CACNA1A: variants seen among roughly 807,000 people sequenced by gnomAD.
CACNA1A encodes calcium voltage-gated channel subunit alpha1 A.
Under a neutral mutation model 262.4 loss-of-function variants are expected in CACNA1A, and 57 were observed. The ratio of observed to expected loss-of-function variants is 0.22; its 90% CI spans 0.18 to 0.27. The LOEUF is 0.27. Ranked by LOEUF, CACNA1A falls within the 10% of genes least tolerant of loss-of-function variation. The pLI is 1.00. For synonymous variants in CACNA1A, 1,431 were observed against 1,419.3 expected, an observed-to-expected ratio of 1.01 and a Z score of -0.18; for missense variants, 2,526 against 3,562.8, an observed-to-expected ratio of 0.71 and a Z score of 7.41.
chr19:13,481,027 T>C (rs528048412), intron 1 of CACNA1A, among the ~76,000 whole-genome samples: 3 of 152,274 alleles, frequency 2.0e-5, no homozygotes, highest in South Asian at 2.1e-4. Flanking sequence ...CCTCAGATAG[T>C]GAGTCTCTCT....
chr19:13,440,915 C>A (rs537880211), intron 3 of CACNA1A, among the ~76,000 whole-genome samples: 3 of 152,322 alleles, frequency 2.0e-5, no homozygotes, highest in East Asian at 3.9e-4. Flanking sequence ...AAGTGATTCT[C>A]CCACCTCAGC....
chr19:13,464,352 T>C lies in CACNA1A; in HGVS notation c.294-9140A>G, dbSNP rs118118359. 5.5e-4 allele frequency among the ~76,000 whole-genome samples: 83 copies of C among 152,250 alleles called. No individual in the cohort carries two copies. The East Asian group carries it at 0.015, about 28-fold the overall frequency. On this transcript the variant is annotated intron_variant, in intron 1 of 46. Transcript: ENST00000360228. The stretch of plus-strand genomic sequence containing the variant: ...AATTTGAGGCTGCATTGAGCTATGA[T>C]CATACCATGGCACTCCAGTCTGGGC...
intron 30 of CACNA1A, 72 bp from the exon 31 acceptor site, chr19:13,245,337 G>T: frequency 2.6e-6 from 3 of 1,142,414 alleles, no homozygotes; most frequent in Non-Finnish European, 4.0e-6. Context: ...CTGGCCGGGT[G>T]CATGTTAGAG....
intron 8 of CACNA1A, chr19:13,333,726 CG>C (rs2058508694): frequency 6.6e-6 from 1 of 152,256 alleles, no homozygotes. Context: ...TGAGCCACCG[CG>C]CCCGGCCAAC....
intron 3 of CACNA1A, among the ~76,000 whole-genome samples, chr19:13,417,122 C>T (rs1359205268): frequency 2.0e-5 from 3 of 152,192 alleles, no homozygotes; most frequent in Non-Finnish European, 2.9e-5. Context: ...AGGGGGCAGC[C>T]TGATGTTCCA....
intron 38 of CACNA1A, among the ~76,000 whole-genome samples, chr19:13,223,922 T>C (rs1320798113): frequency 6.6e-6 from 1 of 152,130 alleles, no homozygotes; most frequent in Non-Finnish European, 1.5e-5. Context: ...TACCAGCATT[T>C]TGGGAGACCA....
intron 38 of CACNA1A, among the ~76,000 whole-genome samples, chr19:13,222,675 G>A (rs1328258493): frequency 4.0e-5 from 6 of 151,280 alleles, no homozygotes; most frequent in East Asian, 1.9e-4. Flanking sequence ...TATTACAGGC[G>A]TGAGCCAGCG....
At chr19:13,311,611 G>T (rs1246020436) in intron 12 of CACNA1A, among the ~76,000 whole-genome samples, 2 of 152,212 alleles carry the variant, frequency 1.3e-5, no homozygotes, top group Non-Finnish European at 2.9e-5. Context: ...GCCAAGGCGG[G>T]TGGATCACGA....
intron 1 of CACNA1A, among the ~76,000 whole-genome samples, chr19:13,481,168 C>T (rs570764370): frequency 5.6e-4 from 86 of 152,334 alleles, no homozygotes; most frequent in African/African-American, 2.0e-3. Context: ...ATTACCATGG[C>T]TGTCCTTATT....
intron 19 of CACNA1A, among the ~76,000 whole-genome samples, chr19:13,293,439 C>CTTTTTTTTTTTTTTTTTT (rs974515720): frequency 1.2e-5 from 1 of 80,834 alleles, no homozygotes; most frequent in African/African-American, 4.8e-5. Flanking sequence ...TCAGTTAAAT[C>CTTTTTTTTTTTTTTTTTT]TTTTTTTTTT....
chr19:13,214,372 C>T lies in CACNA1A; in HGVS notation c.5840-39G>A, dbSNP rs367895273. The T allele has an allele frequency of 1.0e-5, 16 of 1,599,400 alleles. No homozygotes were observed. Among genetic ancestry groups the T allele is most frequent in the African/African-American group, 1.3e-5 (1 of 74,714 alleles). ...CACGGTGAGCTCACCAAGGGCAGGC[C>T]TCTTTGGGGCCCTTGTCCTGGGTCC... On this transcript the variant is annotated intron_variant, in intron 39 of 46. Coordinates refer to ENST00000360228, the MANE Select transcript of CACNA1A (RefSeq NM_001127222.2). This position sits in a 1 kb window ranked among gnomAD's most constrained non-coding sequence, Gnocchi z 4.1.
intron 24 of CACNA1A, chr19:13,273,329 G>A (rs1215792299): frequency 1.3e-5 from 2 of 152,156 alleles, no homozygotes; most frequent in African/African-American, 4.8e-5. Flanking sequence ...GTGTGTGTGT[G>A]GGGGTGCGGC....
chr19:13,434,355 C>T (rs924912645), intron 3 of CACNA1A, among the ~76,000 whole-genome samples: 2 of 152,128 alleles, frequency 1.3e-5, no homozygotes, highest in African/African-American at 2.4e-5. Flanking sequence ...CAATGAGCCC[C>T]TGAGATATTA....
chr19:13,447,378 G>A (rs1383088430), intron 3 of CACNA1A, among the ~76,000 whole-genome samples: 1 of 152,206 alleles, frequency 6.6e-6, no homozygotes, highest in East Asian at 1.9e-4. Context: ...CCACCTTGTT[G>A]TAAGCAGGGA....
At chr19:13,219,124 C>T (rs1263729994) in intron 38 of CACNA1A, among the ~76,000 whole-genome samples, 1 of 149,818 alleles carries the variant, frequency 6.7e-6, no homozygotes, top group Non-Finnish European at 1.5e-5. Context: ...TCACTGCAAC[C>T]TCTGCCTCCT....
chr19:13,336,394 A>G (rs887913155), intron 6 of CACNA1A, among the ~76,000 whole-genome samples: 3 of 152,136 alleles, frequency 2.0e-5, no homozygotes, highest in Admixed American at 6.5e-5. Flanking sequence ...TCCCTGCTCC[A>G]TTCCCTGCAG....
intron 31 of CACNA1A, among the ~76,000 whole-genome samples, chr19:13,242,385 C>T (rs2056103740): frequency 6.6e-6 from 1 of 152,164 alleles, no homozygotes; most frequent in Admixed American, 6.6e-5. Context: ...CCTCTCGCCT[C>T]CTGAGAATCA....
intron 3 of CACNA1A, among the ~76,000 whole-genome samples, chr19:13,423,399 T>C (rs1272259025): frequency 6.6e-6 from 1 of 152,150 alleles, no homozygotes; most frequent in African/African-American, 2.4e-5. Context: ...AGAGATTAAG[T>C]TGATGAAGCT....
At chr19:13,376,750 ATATGT>A (rs1224917813) in intron 3 of CACNA1A, among the ~76,000 whole-genome samples, 1 of 147,342 alleles carries the variant, frequency 6.8e-6, no homozygotes, top group African/African-American at 2.5e-5. Flanking sequence ...ATATAACACA[ATATGT>A]TATATGTGAC....
Sources: gnomAD v4.1 joint callset for allele counts (sites outside exome capture counted in the v4.1 genomes callset) on GRCh38, gnomAD v4.1.1 for gene constraint, Gnocchi (gnomAD v3.1) non-coding constraint, MANE v1.5 for transcripts, NCBI Gene and HGNC (gene_info 2026-07-23, HGNC 2026-07-21) for gene names.